Variants in ATP8B1 observed in about 807,000 individuals in gnomAD.
The protein encoded by ATP8B1 is ATPase phospholipid transporting 8B1, also known as phospholipid-transporting ATPase IC.
Under a neutral mutation model 149.9 loss-of-function variants are expected in ATP8B1, and 80 were observed. The ratio of observed to expected loss-of-function variants is 0.53; its 90% CI spans 0.45 to 0.64. The LOEUF is 0.64. Ranked by LOEUF, ATP8B1 falls within the 30% of genes least tolerant of loss-of-function variation. ATP8B1 has a pLI of 0.00. For missense variants in ATP8B1, 1,247 were observed against 1,552.6 expected (o/e 0.80, Z 3.31); for synonymous variants, 536 against 562.8 (o/e 0.95, Z 0.67).
chr18:57,719,236 A>C lies in ATP8B1; in HGVS notation c.181+12391T>G, dbSNP rs547345372. On this transcript the variant is annotated intron_variant, in intron 2 of 27. Transcript: ENST00000648908. ...AAACAATCTGAAAAAGAAATCAAGA[A>C]AATAATCCCATTGGGAGGAGCCAAG... Among the ~76,000 whole-genome samples, 8 of 152,322 alleles carry C rather than the reference A, an allele frequency of 5.3e-5. No homozygotes were observed. In the South Asian group the frequency reaches 1.7e-3, roughly 32 times the overall value.
chr18:57,687,463 C>T (rs1280759747), intron 13 of ATP8B1, among the ~76,000 whole-genome samples: 1 of 152,218 alleles, frequency 6.6e-6, no homozygotes, highest in African/African-American at 2.4e-5. Flanking sequence ...AAGGTCATCA[C>T]CAAGTTCTGA....
chr18:57,691,833 G>A lies in ATP8B1; in HGVS notation c.1194C>T (p.Thr398=). ...TGACATAGAGAGAGATGGGTACCAT[G>A]GTGTTGAGAACAATGATATAGCCCC... is the stretch of plus-strand genomic sequence containing the variant. ...IFWGYIIVLN[T]MVPISLYVSV... The change falls in exon 12 of 28, where the codon ACC becomes ACT. Residue 398 remains threonine, a synonymous_variant. Coordinates refer to ENST00000648908, the MANE Select transcript of ATP8B1 (RefSeq NM_001374385.1). 1 of 1,614,120 alleles carries A rather than the reference G, an allele frequency of 6.2e-7. No individual in the cohort carries two copies. Among genetic ancestry groups the A allele is most frequent in the Non-Finnish European group, 8.5e-7 (1 of 1,180,002 alleles).
chr18:57,794,992 G>A (rs891875272), intron 1 of ATP8B1, among the ~76,000 whole-genome samples: 1 of 152,054 alleles, frequency 6.6e-6, no homozygotes, highest in Non-Finnish European at 1.5e-5. Flanking sequence ...ACGTGGCCCT[G>A]CCCATCTTAT....
At position 57,716,460 on chromosome 18, in the gene ATP8B1, C is replaced by T. The variant is rs373963817; in HGVS notation, c.182-9873G>A. ...AGTGATCTGTTGCCTACAACAGACA[C>T]TCCACCTGGACTGAAAATGAAGGGA... On this transcript the variant is annotated intron_variant, in intron 2 of 27. Coordinates refer to ENST00000648908, the MANE Select transcript of ATP8B1 (RefSeq NM_001374385.1). Among the ~76,000 whole-genome samples, 40 of 150,476 alleles carry T rather than the reference C, an allele frequency of 2.7e-4. No homozygotes were observed. In the South Asian group the frequency reaches 7.3e-3, roughly 28 times the overall value.
In ATP8B1 at chr18:57,694,583, G is replaced by T. The variant is rs748640251; in HGVS notation, c.1028C>A (p.Thr343Lys). ...IDYLMNYMVY[T>K]IFVVLILLSA... ...TCTACTGAGATGAAAAATAAATACC[G>T]TGTAAACCATGTAGTTCATCAAGTA... is the stretch of plus-strand genomic sequence containing the variant. Residue 343 changes from threonine (T) to lysine (K), a missense_variant and splice_region_variant, in exon 11 of 28, where the codon ACG becomes AAG. By Grantham distance (78) the Thr-to-Lys change is moderately conservative. Transcript: ENST00000648908. 6.5e-7 allele frequency: 1 copy of T among 1,540,224 alleles called. No homozygotes were observed. The highest frequency in any genetic ancestry group is 9.0e-7 in the Non-Finnish European group (1 of 1,113,604).
At chr18:57,709,367 T>G (rs1913577627) in intron 2 of ATP8B1, among the ~76,000 whole-genome samples, 1 of 152,236 alleles carries the variant, frequency 6.6e-6, no homozygotes, top group Admixed American at 6.5e-5. Flanking sequence ...TAAACTGATT[T>G]TATTTTATAA....
intron 15 of ATP8B1, among the ~76,000 whole-genome samples, chr18:57,678,504 A>G (rs1183607447): frequency 6.6e-6 from 1 of 150,642 alleles, no homozygotes; most frequent in African/African-American, 2.4e-5. Context: ...GGAGAATCGC[A>G]TAAACCCGGG....
At chr18:57,682,000 T>TCG (rs1162410110) in intron 15 of ATP8B1, among the ~76,000 whole-genome samples, 7 of 133,320 alleles carry the variant, frequency 5.3e-5, no homozygotes, top group Non-Finnish European at 1.1e-4. Context: ...TGGAGGGACT[T>TCG]TGTGTTATTT....
chr18:57,677,377 GTTA>G (rs559845135), intron 15 of ATP8B1, among the ~76,000 whole-genome samples: 78 of 152,256 alleles, frequency 5.1e-4, no homozygotes, highest in African/African-American at 1.8e-3. Flanking sequence ...TTCTACTCTA[GTTA>G]TTTTGTCTCA....
At chr18:57,765,801 G>C (rs1402517653) in intron 1 of ATP8B1, among the ~76,000 whole-genome samples, 1 of 151,698 alleles carries the variant, frequency 6.6e-6, no homozygotes, top group Non-Finnish European at 1.5e-5. Flanking sequence ...GTGAAACCCC[G>C]TCTTTACTAA....
intron 15 of ATP8B1, among the ~76,000 whole-genome samples, chr18:57,675,480 T>C (rs897651482): frequency 6.6e-6 from 1 of 152,260 alleles, no homozygotes; most frequent in Admixed American, 6.5e-5. Flanking sequence ...CATTTTCCCA[T>C]TACAGACACT....
At chr18:57,779,208 G>A (rs749737067) in intron 1 of ATP8B1, among the ~76,000 whole-genome samples, 27 of 151,956 alleles carry the variant, frequency 1.8e-4, no homozygotes, top group Admixed American at 8.5e-4. Context: ...CCAGCTACTC[G>A]GGAGGCTGAA....
intron 1 of ATP8B1, among the ~76,000 whole-genome samples, chr18:57,768,504 A>C (rs1291414053): frequency 6.6e-6 from 1 of 151,590 alleles, no homozygotes; most frequent in Non-Finnish European, 1.5e-5. Context: ...GTAAATCCTA[A>C]AAATAACCAG....
rs753339861 is a variant in ATP8B1, at chr18:57,648,589, C to T, written c.3655G>A (p.Asp1219Asn). The change falls in exon 28 of 28, where the codon GAC becomes AAC. Residue 1219 changes from aspartate to asparagine, a missense_variant. By Grantham distance (23) the Asp-to-Asn change is conservative (BLOSUM62 1). Transcript: ENST00000648908. ...ATGCTGCGCCCGGAGGAGATGAGGT[C>T]CGCGTAGCCCCGCTGGTGCGAGAAG... is the stretch of plus-strand genomic sequence containing the variant. ...YAFSHQRGYA[D>N]LISSGRSIRK... The T allele has an allele frequency of 4.3e-6, 7 of 1,611,198 alleles. No individual in the cohort carries two copies. Among genetic ancestry groups the T allele is most frequent in the Non-Finnish European group, 5.9e-6 (7 of 1,179,812 alleles).
chr18:57,695,118 C>T, intron 10 of ATP8B1, 53 bp downstream of exon 10: 4 of 1,571,382 alleles, frequency 2.5e-6, no homozygotes, highest in Admixed American at 1.7e-5. Flanking sequence ...GCAATCCCCT[C>T]TAAGTCTTTA....
At chr18:57,683,443 C>G (rs561970659) in intron 15 of ATP8B1, among the ~76,000 whole-genome samples, 5 of 152,162 alleles carry the variant, frequency 3.3e-5, no homozygotes, top group Non-Finnish European at 7.3e-5. Context: ...ACAAAGCTGG[C>G]ACAAACTGCA....
At chr18:57,748,137 G>A (rs1460400221) in intron 1 of ATP8B1, among the ~76,000 whole-genome samples, 1 of 152,144 alleles carries the variant, frequency 6.6e-6, no homozygotes, top group Non-Finnish European at 1.5e-5. Context: ...AACTCCCCAT[G>A]TTTTCCTAGG....
At chr18:57,696,098 G>A (rs911075474) in intron 8 of ATP8B1, among the ~76,000 whole-genome samples, 10 of 152,218 alleles carry the variant, frequency 6.6e-5, no homozygotes, top group Non-Finnish European at 1.2e-4. Flanking sequence ...TGAGGCTGCC[G>A]TCTCACGACT....
At chr18:57,673,989 C>T (rs1416700267) in intron 16 of ATP8B1, among the ~76,000 whole-genome samples, 1 of 151,794 alleles carries the variant, frequency 6.6e-6, no homozygotes, top group African/African-American at 2.4e-5. Flanking sequence ...CAGAGGTGCT[C>T]AAAAAATAAA....
Sources: allele counts gnomAD v4.1 joint callset (sites outside exome capture counted in the v4.1 genomes callset), GRCh38; gene constraint gnomAD v4.1.1; transcripts MANE v1.5; gene names NCBI Gene and HGNC (gene_info 2026-07-23, HGNC 2026-07-21).